DRD2: variants seen among roughly 807,000 people sequenced by gnomAD.
The protein encoded by DRD2 is dopamine receptor D2.
In DRD2, 8 loss-of-function variants were observed where a neutral mutation model predicts 38.0. That is an observed-to-expected ratio of 0.21 (90% CI 0.12 to 0.38). The LOEUF (loss-of-function observed/expected upper bound fraction) is 0.38. Among genes scored for constraint, DRD2 ranks in the 10% least tolerant of loss-of-function variants. DRD2 has a pLI of 1.00. For missense variants in DRD2, 403 were observed against 607.7 expected, an observed-to-expected ratio of 0.66 and a Z score of 3.54; for synonymous variants, 230 against 238.6, an observed-to-expected ratio of 0.96 and a Z score of 0.33.
chr11:113,459,750 T>C (rs1951300728), intron 1 of DRD2, among the ~76,000 whole-genome samples: 1 of 152,190 alleles, frequency 6.6e-6, no homozygotes, highest in Non-Finnish European at 1.5e-5. Context: ...AGCAATAACA[T>C]ATTGTATCAT....
intron 1 of DRD2, among the ~76,000 whole-genome samples, chr11:113,431,342 C>T (rs116375503): frequency 4.8e-4 from 73 of 152,344 alleles, no homozygotes; most frequent in African/African-American, 1.6e-3. Context: ...CCTCATTCCA[C>T]CCTCACCATG....
At chr11:113,453,892 C>A (rs538099043) in intron 1 of DRD2, among the ~76,000 whole-genome samples, 1 of 152,246 alleles carries the variant, frequency 6.6e-6, no homozygotes, top group South Asian at 2.1e-4. Context: ...TAGAATTGAG[C>A]AATCATTCTT....
chr11:113,460,953 C>T (rs1951312913), intron 1 of DRD2, among the ~76,000 whole-genome samples: 1 of 152,256 alleles, frequency 6.6e-6, no homozygotes, highest in Non-Finnish European at 1.5e-5. Flanking sequence ...TGATACCTTC[C>T]CTCACCTATC....
chr11:113,414,006 G>GT (rs536317507), intron 6 of DRD2: 2 of 346,836 alleles, frequency 5.8e-6, no homozygotes, highest in Non-Finnish European at 1.1e-5. Context: ...TTCTGAGCCT[G>GT]TTTCCTCTTC....
intron 1 of DRD2, among the ~76,000 whole-genome samples, chr11:113,459,059 C>A (rs750036039): frequency 1.6e-4 from 25 of 152,212 alleles, no homozygotes; most frequent in Non-Finnish European, 3.4e-4. Flanking sequence ...ATAACAGCTT[C>A]AGTTCTCACC....
chr11:113,470,547 C>T lies in DRD2; in HGVS notation c.-32+4529G>A, dbSNP rs370375986. Among the ~76,000 whole-genome samples, 25 of 152,326 alleles carry T rather than the reference C, an allele frequency of 1.6e-4. No homozygotes were observed. The South Asian group carries it at 5.2e-3, about 32-fold the overall frequency. On this transcript the variant is annotated intron_variant, in intron 1 of 7. Transcript: ENST00000362072. ...CCAGAGGTTTTCCCTCCTTCCCCTCCCTGTCCCTTCAGACAGCAAAGAATT... is the reference window on the plus strand; with the variant it reads ...CCAGAGGTTTTCCCTCCTTCCCCTCTCTGTCCCTTCAGACAGCAAAGAATT...
At chr11:113,452,435 CGTGT>C (rs759448996) in intron 1 of DRD2, among the ~76,000 whole-genome samples, 5,587 of 130,234 alleles carry the variant, frequency 0.043, 156 homozygotes, top group Middle Eastern at 0.1. Context: ...GGTGTGCATG[CGTGT>C]GTGTGTGTGT....
intron 1 of DRD2, among the ~76,000 whole-genome samples, chr11:113,473,957 G>T (rs973144475): frequency 2.3e-4 from 35 of 152,210 alleles, no homozygotes; most frequent in Admixed American, 6.5e-5. Context: ...TGGCCTAAAA[G>T]GTTTGTAGCC....
chr11:113,435,266 A>C (rs894546803), intron 1 of DRD2, among the ~76,000 whole-genome samples: 2 of 150,822 alleles, frequency 1.3e-5, no homozygotes, highest in Non-Finnish European at 2.9e-5. Context: ...CTCCGTAAAA[A>C]TGTCTCCTCA....
intron 1 of DRD2, among the ~76,000 whole-genome samples, chr11:113,439,838 C>CA (rs67577307): frequency 0.018 from 296 of 16,252 alleles, 118 homozygotes; most frequent in East Asian, 0.066. Context: ...GGCTCTGTCT[C>CA]AAAAAAAAAA....
At chr11:113,434,826 G>A (rs1281730020) in intron 1 of DRD2, among the ~76,000 whole-genome samples, 2 of 152,226 alleles carry the variant, frequency 1.3e-5, no homozygotes, top group African/African-American at 2.4e-5. Context: ...CACAGTGAGT[G>A]AGCTGAGTGC....
At chr11:113,445,100 C>T (rs1196034182) in intron 1 of DRD2, among the ~76,000 whole-genome samples, 1 of 152,162 alleles carries the variant, frequency 6.6e-6, no homozygotes, top group African/African-American at 2.4e-5. Context: ...TCTGAAAACA[C>T]CTGACCAGCA....
At chr11:113,469,678 A>G (rs1345975144) in intron 1 of DRD2, among the ~76,000 whole-genome samples, 2 of 152,226 alleles carry the variant, frequency 1.3e-5, no homozygotes, top group South Asian at 2.1e-4. Context: ...TCTACAAAAA[A>G]TTCTTTAAAA....
chr11:113,433,435 C>T (rs1317208219), intron 1 of DRD2, among the ~76,000 whole-genome samples: 5 of 152,138 alleles, frequency 3.3e-5, no homozygotes, highest in East Asian at 1.9e-4. Flanking sequence ...GGGGGATACC[C>T]GTTAGTGGAA....
At chr11:113,473,742 A>C (rs1293201151) in intron 1 of DRD2, among the ~76,000 whole-genome samples, 1 of 152,228 alleles carries the variant, frequency 6.6e-6, no homozygotes, top group Non-Finnish European at 1.5e-5. Context: ...GATTTTCTTG[A>C]AACTGGTCAT....
At chr11:113,449,507 G>A (rs530306239) in intron 1 of DRD2, among the ~76,000 whole-genome samples, 17 of 152,274 alleles carry the variant, frequency 1.1e-4, no homozygotes, top group African/African-American at 3.6e-4. Context: ...CTTCCAACAT[G>A]AGCAGATCAT....
intron 2 of DRD2, among the ~76,000 whole-genome samples, chr11:113,418,362 G>T (rs1950848458): frequency 1.3e-5 from 2 of 152,124 alleles, no homozygotes. Context: ...CAATTACTGT[G>T]CTAGAAGAAA....
chr11:113,411,006 A>T (rs1565658347), intron 7 of DRD2, 86 bp from the exon 8 acceptor site: 1 of 1,440,392 alleles, frequency 6.9e-7, no homozygotes, highest in Non-Finnish European at 9.5e-7. Context: ...CCTGGCTCGT[A>T]TGCCAAGACG....
At position 113,418,913 on chromosome 11, in the gene DRD2, C is replaced by T. The variant is rs557084896; in HGVS notation, c.286-777G>A. Among the ~76,000 whole-genome samples, 37 of 152,338 alleles carry T rather than the reference C, an allele frequency of 2.4e-4. 1 individual carries two copies. The highest frequency in any genetic ancestry group is 2.0e-3 in the Admixed American group (31 of 15,308). ...CTGCTTCCCCCTGCACCCCACATGG[C>T]GGGCTGAGCATCTGGTTTCTAGGGA... On this transcript the variant is annotated intron_variant, in intron 2 of 7. Coordinates refer to ENST00000362072, the MANE Select transcript of DRD2 (RefSeq NM_000795.4).
Sources: allele counts gnomAD v4.1 joint callset (sites outside exome capture counted in the v4.1 genomes callset), GRCh38; gene constraint gnomAD v4.1.1; transcripts MANE v1.5; gene names NCBI Gene and HGNC (gene_info 2026-07-23, HGNC 2026-07-21).